GABPB1: variants seen among roughly 807,000 people sequenced by gnomAD.
GABPB1 encodes GA-binding protein subunit beta-1.
A neutral mutation model predicts 45.9 loss-of-function variants in GABPB1; 15 were observed. That is an observed-to-expected ratio of 0.33 (90% CI 0.22 to 0.50). GABPB1 has a LOEUF of 0.50. Among genes scored for constraint, GABPB1 ranks in the 20% least tolerant of loss-of-function variants. The pLI is 0.98. For synonymous variants in GABPB1, 143 were observed against 154.4 expected (o/e 0.93, Z 0.55); for missense variants, 252 against 457.5 (o/e 0.55, Z 4.10).
chr15:50,292,198 C>CAGCT (rs1449149281), intron 6 of GABPB1, among the ~76,000 whole-genome samples: 2 of 150,474 alleles, frequency 1.3e-5, no homozygotes, highest in Non-Finnish European at 3.0e-5. Context: ...CCTCTAGTCC[C>CAGCT]AGCTACTCGG....
chr15:50,303,004 C>T lies in GABPB1; in HGVS notation c.396G>A (p.Thr132=), dbSNP rs760855742. ...ATGCAGTTTTACAAAATTTACTTTG[C>T]GTGTGTACATCAGCACCATATTTGA... ...LLIKYGADVH[T]QSKFCKTAFD... The change falls in exon 4 of 9, where the codon ACG becomes ACA. Residue 132 remains threonine, a synonymous_variant. Transcript: ENST00000380877. 11 of 1,613,552 alleles carry T rather than the reference C, an allele frequency of 6.8e-6. No individual in the cohort carries two copies. The highest frequency in any genetic ancestry group is 3.3e-5 in the South Asian group (3 of 91,064).
At chr15:50,302,886 G>C (rs1253312591) in intron 4 of GABPB1, 43 bp downstream of exon 4, 2 of 1,306,914 alleles carry the variant, frequency 1.5e-6, no homozygotes, top group South Asian at 1.3e-5. Flanking sequence ...TACTGATAAG[G>C]CTTCTTTTTC....
At chr15:50,312,890 C>G (rs1375487837) in intron 1 of GABPB1, among the ~76,000 whole-genome samples, 4 of 152,038 alleles carry the variant, frequency 2.6e-5, no homozygotes, top group Non-Finnish European at 5.9e-5. Context: ...TGTAAGCGTT[C>G]TGACATATGT....
At chr15:50,287,732 T>A (rs1031166399) in intron 7 of GABPB1, among the ~76,000 whole-genome samples, 2 of 152,216 alleles carry the variant, frequency 1.3e-5, no homozygotes, top group Non-Finnish European at 2.9e-5. Context: ...CAAATATTTT[T>A]AAAGTTTTCT....
intron 1 of GABPB1, among the ~76,000 whole-genome samples, chr15:50,322,547 A>T (rs1009057799): frequency 6.6e-6 from 1 of 151,886 alleles, no homozygotes; most frequent in African/African-American, 2.4e-5. Context: ...CTCCATCTCA[A>T]AAAAAAAGAA....
chr15:50,338,830 A>G (rs1189930853), intron 1 of GABPB1, among the ~76,000 whole-genome samples: 2 of 152,208 alleles, frequency 1.3e-5, no homozygotes, highest in Admixed American at 6.5e-5. Context: ...CCTTATTCAA[A>G]TCTATTTTTG....
chr15:50,349,537 T>A (rs986147380), intron 1 of GABPB1: 1 of 152,210 alleles, frequency 6.6e-6, no homozygotes, highest in African/African-American at 2.4e-5. Context: ...CTAACTGGGA[T>A]GACACTGGGA....
intron 8 of GABPB1, among the ~76,000 whole-genome samples, chr15:50,280,568 T>C (rs1400882056): frequency 6.6e-6 from 1 of 151,962 alleles, no homozygotes; most frequent in Admixed American, 6.6e-5. Context: ...CTGGGCAACA[T>C]GGCAAAACCC....
intron 6 of GABPB1, among the ~76,000 whole-genome samples, chr15:50,297,636 G>A (rs890141084): frequency 2.0e-5 from 3 of 152,140 alleles, no homozygotes; most frequent in Non-Finnish European, 4.4e-5. Flanking sequence ...GAAGTTCGAG[G>A]CCAGCCTGGC....
chr15:50,305,446 G>A (rs985800688), intron 2 of GABPB1, among the ~76,000 whole-genome samples: 2 of 152,096 alleles, frequency 1.3e-5, no homozygotes, highest in Admixed American at 6.6e-5. Context: ...TGAACTGCTG[G>A]GCTCAAGCAA....
At chr15:50,290,935 A>G (rs1393155897) in intron 6 of GABPB1, among the ~76,000 whole-genome samples, 1 of 152,200 alleles carries the variant, frequency 6.6e-6, no homozygotes, top group African/African-American at 2.4e-5. Context: ...CCTACACCCA[A>G]CTACTGATCC....
At chr15:50,306,690 C>T (rs2046963016) in intron 2 of GABPB1, among the ~76,000 whole-genome samples, 1 of 151,696 alleles carries the variant, frequency 6.6e-6, no homozygotes, top group South Asian at 2.1e-4. Context: ...TCCCCCAGCC[C>T]CAGAGGTAAC....
At chr15:50,330,393 A>G (rs2047908461) in intron 1 of GABPB1, among the ~76,000 whole-genome samples, 1 of 152,234 alleles carries the variant, frequency 6.6e-6, no homozygotes, top group East Asian at 1.9e-4. Flanking sequence ...AAAACTAGTT[A>G]TCTCTTACTC....
chr15:50,280,186 C>T (rs1567468922), intron 8 of GABPB1, among the ~76,000 whole-genome samples: 2 of 152,144 alleles, frequency 1.3e-5, no homozygotes. Flanking sequence ...CCCTTACTCC[C>T]AGTTTAAGCA....
At position 50,278,499 on chromosome 15, in the gene GABPB1, G is replaced by A. The variant is rs192568438; in HGVS notation, c.*133C>T. The A allele has an allele frequency of 2.7e-5, 15 of 561,414 alleles. No homozygotes were observed. In the East Asian group the frequency reaches 4.7e-4, roughly 18 times the overall value. 34.8% of individuals were successfully genotyped at this position (561,414 alleles called of 1,614,324 possible). On this transcript the variant is annotated 3_prime_UTR_variant, in exon 9 of 9. Coordinates refer to ENST00000380877, the MANE Select transcript of GABPB1 (RefSeq NM_016654.5). Reference sequence around the variant, plus strand: ...TATGTTACAAGAACTCAGAGCTCATGGCTTAAGTCCAATTATCCATCTGTA... The same window carrying A: ...TATGTTACAAGAACTCAGAGCTCATAGCTTAAGTCCAATTATCCATCTGTA...
At chr15:50,284,769 C>T (rs2046098828) in intron 8 of GABPB1, among the ~76,000 whole-genome samples, 1 of 151,918 alleles carries the variant, frequency 6.6e-6, no homozygotes, top group South Asian at 2.1e-4. Flanking sequence ...CCTTATGTGT[C>T]TGAAAAAGAT....
At chr15:50,292,570 G>A (rs1282487892) in intron 6 of GABPB1, among the ~76,000 whole-genome samples, 3 of 152,106 alleles carry the variant, frequency 2.0e-5, no homozygotes, top group Non-Finnish European at 2.9e-5. Context: ...GCCTCCTTAC[G>A]TGATACACTG....
chr15:50,327,012 G>A (rs2047793534), intron 1 of GABPB1, among the ~76,000 whole-genome samples: 1 of 152,048 alleles, frequency 6.6e-6, no homozygotes, highest in Non-Finnish European at 1.5e-5. Flanking sequence ...CCTCATCTTT[G>A]CCACTGACTA....
At chr15:50,334,684 A>G (rs1244318170) in intron 1 of GABPB1, among the ~76,000 whole-genome samples, 1 of 150,158 alleles carries the variant, frequency 6.7e-6, no homozygotes, top group Non-Finnish European at 1.5e-5. Context: ...ATTTTTTTGT[A>G]TTTTCTGTAC....
Sources: allele counts gnomAD v4.1 joint callset (sites outside exome capture counted in the v4.1 genomes callset), GRCh38; gene constraint gnomAD v4.1.1; transcripts MANE v1.5; gene names NCBI Gene and HGNC (gene_info 2026-07-23, HGNC 2026-07-21).